ODAD2: variants seen among roughly 807,000 people sequenced by gnomAD.
ODAD2 encodes outer dynein arm docking complex subunit 2, also known as outer dynein arm-docking complex subunit 2.
Under a neutral mutation model 106.8 loss-of-function variants are expected in ODAD2, and 89 were observed. The observed-to-expected ratio is 0.83, with a 90% CI of 0.70 to 0.99. The LOEUF (loss-of-function observed/expected upper bound fraction) is 0.99. Among genes scored for constraint, ODAD2 ranks in the 50% least tolerant of loss-of-function variants. The pLI is 0.00. For synonymous variants in ODAD2, 404 were observed against 436.2 expected, an observed-to-expected ratio of 0.93 and a Z score of 0.92; for missense variants, 1,168 against 1,238.5, an observed-to-expected ratio of 0.94 and a Z score of 0.85.
chr10:27,982,636 C>T (rs1424365465), intron 6 of ODAD2, among the ~76,000 whole-genome samples: 2 of 152,142 alleles, frequency 1.3e-5, no homozygotes, highest in Admixed American at 6.5e-5. Flanking sequence ...AGAAAAGAGG[C>T]TCCAGCATTT....
intron 12 of ODAD2, among the ~76,000 whole-genome samples, chr10:27,943,102 T>C (rs552210142): frequency 1.2e-4 from 19 of 152,324 alleles, no homozygotes; most frequent in African/African-American, 4.1e-4. Flanking sequence ...TACAGTAAGA[T>C]AACAGCTCTG....
intron 17 of ODAD2, among the ~76,000 whole-genome samples, chr10:27,865,694 C>T (rs994440631): frequency 2.8e-4 from 43 of 152,218 alleles, no homozygotes; most frequent in Admixed American, 5.2e-4. Flanking sequence ...TTAGTAGATA[C>T]TCAACTAACA....
At chr10:27,849,287 C>T (rs533315888) in intron 19 of ODAD2, among the ~76,000 whole-genome samples, 9 of 151,490 alleles carry the variant, frequency 5.9e-5, no homozygotes, top group Non-Finnish European at 1.0e-4. Flanking sequence ...TCATTCTCAG[C>T]AAACTAACAC....
At chr10:27,850,727 T>A (rs1839198509) in intron 19 of ODAD2, among the ~76,000 whole-genome samples, 1 of 152,050 alleles carries the variant, frequency 6.6e-6, no homozygotes, top group African/African-American at 2.4e-5. Context: ...TAAAATAATT[T>A]AAAAATGGAA....
rs371752746 is a variant in ODAD2, at chr10:27,941,596, G to GTTTTTTTT, written c.1744-799_1744-792dup. Reference sequence around the variant, plus strand: ...CAAACAGCACAACTGCCAGCATCCAGTTTTTTTTTTTTTTTTTTTTGCAAT... The same window carrying GTTTTTTTT: ...CAAACAGCACAACTGCCAGCATCCAGTTTTTTTTTTTTTTTTTTTTTTTTTTTTGCAAT... On this transcript the variant is annotated intron_variant, in intron 12 of 19. Transcript: ENST00000305242. 2.1e-3 allele frequency among the ~76,000 whole-genome samples: 245 copies of GTTTTTTTT among 114,918 alleles called. 4 individuals are homozygous for GTTTTTTTT. Among genetic ancestry groups the GTTTTTTTT allele is most frequent in the Non-Finnish European group, 3.6e-3 (207 of 57,822 alleles). The allele number at this position is 114,918 out of a possible 152,430, so 75.4% of individuals were successfully genotyped here.
Position 27,850,429 on chromosome 10 carries a change from AG to A in ODAD2, c.3021+10195del, listed in dbSNP as rs1257534724. On this transcript the variant is annotated intron_variant, in intron 19 of 19. Coordinates refer to ENST00000305242, the MANE Select transcript of ODAD2 (RefSeq NM_018076.5). ...CACTGCACTCCAGCCTGGGCGACAG[AG>A]CGAGACTCCGTCTCAAAAAAAAAAA... 5.1e-5 allele frequency among the ~76,000 whole-genome samples: 7 copies of A among 136,306 alleles called. No homozygotes were observed. In the South Asian group the frequency reaches 1.2e-3, roughly 23 times the overall value. The allele number at this position is 136,306 out of a possible 152,430, so 89.4% of individuals were successfully genotyped here.
At chr10:27,849,955 GA>G (rs1839121546) in intron 19 of ODAD2, among the ~76,000 whole-genome samples, 1 of 152,180 alleles carries the variant, frequency 6.6e-6, no homozygotes, top group African/African-American at 2.4e-5. Context: ...CAAGAGCTCT[GA>G]GTACCAGTCC....
chr10:27,871,399 C>A (rs984423895), intron 17 of ODAD2, among the ~76,000 whole-genome samples: 7 of 152,148 alleles, frequency 4.6e-5, no homozygotes, highest in African/African-American at 1.7e-4. Flanking sequence ...GTTGCCATTG[C>A]TTTTGGTGTT....
At chr10:27,906,536 A>T (rs2133849641) in intron 17 of ODAD2, among the ~76,000 whole-genome samples, 1 of 152,344 alleles carries the variant, frequency 6.6e-6, no homozygotes, top group East Asian at 1.9e-4. Context: ...ATTATAAATC[A>T]TTCTACTATA....
chr10:27,820,777 C>CTTTTTTTTTTTTT lies in ODAD2; in HGVS notation c.3022-8165_3022-8153dup, dbSNP rs72095120. 5.7e-4 allele frequency among the ~76,000 whole-genome samples: 60 copies of CTTTTTTTTTTTTT among 105,546 alleles called. 2 individuals carry two copies. The highest frequency in any genetic ancestry group is 2.0e-3 in the African/African-American group (51 of 25,720). The allele number at this position is 105,546 out of a possible 152,430, so 69.2% of individuals were successfully genotyped here. ...CAATTAAACCAATGAAGCCCAGCAA[C>CTTTTTTTTTTTTT]TTTTTTTTTTTTTTTTTTTTTTTTG... is the stretch of plus-strand genomic sequence containing the variant. On this transcript the variant is annotated intron_variant, in intron 19 of 19. Coordinates refer to ENST00000305242, the MANE Select transcript of ODAD2 (RefSeq NM_018076.5).
intron 17 of ODAD2, chr10:27,905,121 C>T (rs976844320): frequency 9.4e-6 from 2 of 213,134 alleles, no homozygotes; most frequent in Admixed American, 4.2e-5. Flanking sequence ...GCATTTTGAA[C>T]TAGGAGGAGA....
At chr10:27,903,083 T>C (rs1224165277) in intron 17 of ODAD2, among the ~76,000 whole-genome samples, 2 of 151,976 alleles carry the variant, frequency 1.3e-5, no homozygotes, top group Non-Finnish European at 2.9e-5. Context: ...CAGCAGCACA[T>C]CAAAAAGCTT....
chr10:27,965,848 C>T (rs1848455844), intron 9 of ODAD2, among the ~76,000 whole-genome samples: 1 of 152,248 alleles, frequency 6.6e-6, no homozygotes, highest in African/African-American at 2.4e-5. Flanking sequence ...CGAGAAAGTA[C>T]ACTTTATTCC....
chr10:27,917,194 T>C (rs1844454409), intron 16 of ODAD2, among the ~76,000 whole-genome samples: 1 of 152,138 alleles, frequency 6.6e-6, no homozygotes, highest in African/African-American at 2.4e-5. Context: ...TCCCTGACCT[T>C]GTGGTTTTAA....
At chr10:27,900,152 G>A (rs537894959) in intron 17 of ODAD2, among the ~76,000 whole-genome samples, 12 of 152,286 alleles carry the variant, frequency 7.9e-5, no homozygotes, top group Middle Eastern at 3.4e-3. Context: ...TGCAGCCTCC[G>A]CTCATGATAC....
At chr10:27,822,225 A>G (rs530728793) in intron 19 of ODAD2, among the ~76,000 whole-genome samples, 1 of 152,328 alleles carries the variant, frequency 6.6e-6, no homozygotes, top group East Asian at 1.9e-4. Flanking sequence ...TTACATTTCC[A>G]TTTAACAGTT....
chr10:27,900,180 G>T (rs1843103891), intron 17 of ODAD2, among the ~76,000 whole-genome samples: 1 of 152,156 alleles, frequency 6.6e-6, no homozygotes, highest in Non-Finnish European at 1.5e-5. Context: ...AACAGGATCT[G>T]GAGTGGGACT....
chr10:27,989,369 A>C lies in ODAD2; in HGVS notation c.225-1826T>G, dbSNP rs149334242. Among the ~76,000 whole-genome samples the C allele has an allele frequency of 4.1e-3, 630 of 152,306 alleles. 2 individuals are homozygous for C. Among genetic ancestry groups the C allele is most frequent in the African/African-American group, 0.014 (599 of 41,562 alleles). On this transcript the variant is annotated intron_variant, in intron 2 of 19. Coordinates refer to ENST00000305242, the MANE Select transcript of ODAD2 (RefSeq NM_018076.5). ...TCTGGGGAATAAATGAATGAATAAAATATTTCTAGACTTGCCAATGACATG... is the reference window on the plus strand; with the variant it reads ...TCTGGGGAATAAATGAATGAATAAACTATTTCTAGACTTGCCAATGACATG...
At chr10:27,903,948 G>T (rs1364953485) in intron 17 of ODAD2, among the ~76,000 whole-genome samples, 1 of 152,058 alleles carries the variant, frequency 6.6e-6, no homozygotes, top group Non-Finnish European at 1.5e-5. Context: ...CCTCCCCTCT[G>T]GGGTTCCCTT....
Sources: allele counts gnomAD v4.1 joint callset (sites outside exome capture counted in the v4.1 genomes callset), GRCh38; gene constraint gnomAD v4.1.1; transcripts MANE v1.5; gene names NCBI Gene and HGNC (gene_info 2026-07-23, HGNC 2026-07-21).